OPN1SW: variants seen among roughly 807,000 people sequenced by gnomAD.
OPN1SW encodes the protein opsin 1, short wave sensitive.
In OPN1SW, 25 loss-of-function variants were observed where a neutral mutation model predicts 31.9. The observed-to-expected ratio is 0.78, with a 90% CI of 0.57 to 1.09. OPN1SW has a LOEUF of 1.09. Among genes scored for constraint, OPN1SW ranks in the 50% least tolerant of loss-of-function variants. The pLI, the probability that OPN1SW is intolerant of heterozygous loss-of-function variation, is 0.00. For synonymous variants in OPN1SW, 190 were observed against 171.9 expected (o/e 1.11, Z -0.82); for missense variants, 424 against 448.0 (o/e 0.95, Z 0.48).
At position 128,772,599 on chromosome 7, in the gene OPN1SW, A is replaced by G. The variant is rs150426624; in HGVS notation, c.979T>C (p.Cys327Arg). The change falls in exon 5 of 5, where the codon TGC becomes CGC. Residue 327 changes from cysteine (C) to arginine (R), a missense_variant. Cys to Arg is a radical substitution (Grantham distance 180). Transcript: ENST00000249389. ...GAAACTTCTGTTTTCTGGGAGCTGC[A>G]TGTGTCGGATTCATCTGTCATGGCC... is the stretch of plus-strand genomic sequence containing the variant. The part of the protein sequence containing the change: ...GKAMTDESDT[C>R]SSQKTEVSTV... 1.9e-6 allele frequency: 3 copies of G among 1,614,040 alleles called. No homozygotes were observed. Among genetic ancestry groups the G allele is most frequent in the Non-Finnish European group, 2.5e-6 (3 of 1,180,018 alleles).
chr7:128,775,194 C>T, intron 1 of OPN1SW, 40 bp from the exon 2 acceptor site: 1 of 1,598,836 alleles, frequency 6.3e-7, no homozygotes, highest in Non-Finnish European at 8.6e-7. Flanking sequence ...GACAGAGCCC[C>T]ACCCAGCCTG....
chr7:128,774,383 T>C, intron 3 of OPN1SW, 115 bp downstream of exon 3: 7 of 1,402,786 alleles, frequency 5.0e-6, no homozygotes, highest in Non-Finnish European at 7.0e-6. Flanking sequence ...CCTTTGCTGC[T>C]TTTAGATACC....
rs757947115 is a variant in OPN1SW at position 128,773,927 on chromosome 7, C to T, written c.679-39G>A. 35 of 1,593,128 alleles carry T rather than the reference C, an allele frequency of 2.2e-5. No individual in the cohort carries two copies. The Admixed American group carries it at 5.8e-4, about 26-fold the overall frequency. On this transcript the variant is annotated intron_variant, in intron 3 of 4. Transcript: ENST00000249389. ...CGGAAAGCATCACATCTCTCTTTTT[C>T]CTGGCCCTCTGGATGCTTTTTTTTT...
At position 128,775,080 on chromosome 7, in the gene OPN1SW, A is replaced by G. The variant is rs368447870; in HGVS notation, c.418T>C (p.Phe140Leu). 3.7e-6 allele frequency: 6 copies of G among 1,614,088 alleles called. No individual in the cohort carries two copies. In the African/African-American group the frequency reaches 8.0e-5, roughly 22 times the overall value. ...YIVICKPFGN[F>L]RFSSKHALTV... The stretch of plus-strand genomic sequence containing the variant: ...AGTGCATGCTTGGAGCTGAAGCGGA[A>G]GTTGCCGAAGGGCTTACAGATGACA... Residue 140 changes from phenylalanine (F) to leucine (L), a missense_variant, in exon 2 of 5, where the codon TTC becomes CTC. Phe to Leu is a conservative substitution (Grantham distance 22, BLOSUM62 0). Transcript: ENST00000249389.
intron 1 of OPN1SW, 90 bp downstream of exon 1, chr7:128,775,349 G>C (rs1801737779): frequency 7.1e-7 from 1 of 1,402,990 alleles, no homozygotes; most frequent in Admixed American, 1.9e-5. Flanking sequence ...AAAAGCACCA[G>C]ACTCATTTCC....
Position 128,773,831 on chromosome 7 carries a change from G to A in OPN1SW, c.736C>T (p.Arg246Cys), listed in dbSNP as rs1376623078. The change falls in exon 4 of 5, where the codon CGC (arginine) becomes TGC (cysteine). Residue 246 changes from arginine to cysteine, a missense_variant. Physicochemically the swap from Arg to Cys is radical, Grantham distance 180. Transcript: ENST00000249389. The part of the protein sequence containing the change: ...TTQKAEREVS[R>C]MVVVMVGSFC... The stretch of plus-strand genomic sequence containing the variant: ...GATCCTACCATCACAACCACCATGC[G>A]GCTCACCTCCCGTTCAGCCTTCTGG... The A allele has an allele frequency of 6.2e-7, 1 of 1,613,808 alleles. No homozygotes were observed. Among genetic ancestry groups the A allele is most frequent in the Non-Finnish European group, 8.5e-7 (1 of 1,180,006 alleles).
intron 1 of OPN1SW, 139 bp downstream of exon 1, chr7:128,775,300 A>G: frequency 1.6e-6 from 2 of 1,285,196 alleles, no homozygotes; most frequent in Non-Finnish European, 2.2e-6. Context: ...TATTTTAGCC[A>G]AACTTCTAGT....
rs780809135 is a variant in OPN1SW at position 128,775,680 on chromosome 7, C to T, written c.102G>A (p.Gln34=). ...GGAAGACAGTGCCCATGAAAGCTGC[C>T]TGGAGGTAGAAGGCCCAGACAGGGG... is the stretch of plus-strand genomic sequence containing the variant. The part of the protein sequence containing the change: ...HIAPVWAFYL[Q]AAFMGTVFLI... Residue 34 remains glutamine (Q), a synonymous_variant, in exon 1 of 5, where the codon CAG becomes CAA. Coordinates refer to ENST00000249389, the MANE Select transcript of OPN1SW (RefSeq NM_001385125.1). 2.5e-6 allele frequency: 4 copies of T among 1,614,174 alleles called. No homozygotes were observed. The highest frequency in any genetic ancestry group is 1.6e-4 in the Middle Eastern group (1 of 6,062).
At chr7:128,772,755 C>CT in intron 4 of OPN1SW, 96 bp from the exon 5 acceptor site, 1 of 1,533,128 alleles carries the variant, frequency 6.5e-7, no homozygotes. Flanking sequence ...TTGCACAATG[C>CT]TTTGTACCCA....
At chr7:128,772,720 CCTT>C in intron 4 of OPN1SW, 61 bp from the exon 5 acceptor site, 1 of 1,608,642 alleles carries the variant, frequency 6.2e-7, no homozygotes, top group African/African-American at 1.3e-5. Flanking sequence ...GGAAAAAAGA[CCTT>C]ATTCTCTGTA....
chr7:128,775,662 A>G lies in OPN1SW; in HGVS notation c.120T>C (p.Thr40=), dbSNP rs370917485. ...TGAGTGGGAACCCTATAAGGAAGAC[A>G]GTGCCCATGAAAGCTGCCTGGAGGT... ...AFYLQAAFMG[T]VFLIGFPLNA... The change falls in exon 1 of 5, where the codon ACT becomes ACC. Residue 40 remains threonine, a synonymous_variant. Coordinates refer to ENST00000249389, the MANE Select transcript of OPN1SW (RefSeq NM_001385125.1). The G allele has an allele frequency of 3.7e-5, 59 of 1,614,020 alleles. No homozygotes were observed. Among genetic ancestry groups the G allele is most frequent in the Non-Finnish European group, 4.7e-5 (56 of 1,180,028 alleles).
intron 1 of OPN1SW, 22 bp downstream of exon 1, chr7:128,775,417 A>G (rs751349153): frequency 6.2e-7 from 1 of 1,604,464 alleles, no homozygotes; most frequent in South Asian, 1.1e-5. Flanking sequence ...CCTTCCCCTA[A>G]CCCCTTTTTC....
At chr7:128,774,327 C>G (rs1041374231) in intron 3 of OPN1SW, among the ~76,000 whole-genome samples, 171 bp downstream of exon 3, 1 of 152,174 alleles carries the variant, frequency 6.6e-6, no homozygotes, top group South Asian at 2.1e-4. Context: ...GTCCCATCTC[C>G]TGGCCTAGTT....
rs1424127387 is a variant in OPN1SW, at chr7:128,773,719, G to T, written c.848C>A (p.Thr283Asn). 8.7e-6 allele frequency: 14 copies of T among 1,614,058 alleles called. No individual in the cohort carries two copies. The highest frequency in any genetic ancestry group is 1.3e-5 in the African/African-American group (1 of 74,934). ...ACTCTTGGAGAAGAATGAAGGAATG[G>T]TGACAAGCCGTAAGTCCAGCCCATG... Reference protein sequence around the residue: ...RNHGLDLRLVTIPSFFSKSAC... With the variant: ...RNHGLDLRLVNIPSFFSKSAC... The change falls in exon 4 of 5, where the codon ACC (threonine) becomes AAC (asparagine). Residue 283 changes from threonine (T) to asparagine (N), a missense_variant. Physicochemically the swap from Thr to Asn is moderately conservative, Grantham distance 65. Transcript: ENST00000249389.
chr7:128,773,943 CTTTTTT>C, intron 3 of OPN1SW, 55 bp from the exon 4 acceptor site: 2 of 1,378,666 alleles, frequency 1.5e-6, no homozygotes, highest in Non-Finnish European at 1.9e-6. Flanking sequence ...CCTCTGGATG[CTTTTTT>C]TTTTTTTTTT....
intron 1 of OPN1SW, 40 bp from the exon 2 acceptor site, chr7:128,775,194 C>G: frequency 6.3e-7 from 1 of 1,598,834 alleles, no homozygotes; most frequent in Non-Finnish European, 8.6e-7. Context: ...GACAGAGCCC[C>G]ACCCAGCCTG....
chr7:128,775,216 G>A, intron 1 of OPN1SW, 62 bp from the exon 2 acceptor site: 1 of 1,565,786 alleles, frequency 6.4e-7, no homozygotes, highest in African/African-American at 1.4e-5. Flanking sequence ...CTGGCAGAGT[G>A]GCAAACAGAT....
At chr7:128,775,334 T>A (rs1585029089) in intron 1 of OPN1SW, 105 bp downstream of exon 1, 2 of 1,362,328 alleles carry the variant, frequency 1.5e-6, no homozygotes, top group East Asian at 4.6e-5. Flanking sequence ...TACCCCAGTA[T>A]TTTAAAAAGC....
chr7:128,774,645 C>A lies in OPN1SW; in HGVS notation c.531G>T (p.Leu177=). The A allele has an allele frequency of 6.2e-7, 1 of 1,614,152 alleles. No individual in the cohort carries two copies. The highest frequency in any genetic ancestry group is 8.5e-7 in the Non-Finnish European group (1 of 1,180,024). ...ACCAGTCAGGGCCACAGGAACACTG[C>A]AGGCCCTCAGGGATGAACCTGCAAA... ...FGWSRFIPEG[L]QCSCGPDWYT... The change falls in exon 3 of 5, where the codon CTG becomes CTT. Residue 177 remains leucine (L), a synonymous_variant. Transcript: ENST00000249389.
Sources: allele counts gnomAD v4.1 joint callset (sites outside exome capture counted in the v4.1 genomes callset), GRCh38; gene constraint gnomAD v4.1.1; transcripts MANE v1.5; gene names NCBI Gene and HGNC (gene_info 2026-07-23, HGNC 2026-07-21).